RASGRP3: variants seen among roughly 807,000 people sequenced by gnomAD.
RASGRP3 encodes ras guanyl-releasing protein 3.
In RASGRP3, 54 loss-of-function variants were observed where a neutral mutation model predicts 82.7. That is an observed-to-expected ratio of 0.65 (90% CI 0.52 to 0.82). The LOEUF (loss-of-function observed/expected upper bound fraction) is 0.82. Among genes scored for constraint, RASGRP3 ranks in the 40% least tolerant of loss-of-function variants. The pLI, the probability that RASGRP3 is intolerant of heterozygous loss-of-function variation, is 0.00. For missense variants in RASGRP3, 861 were observed against 828.9 expected (o/e 1.04, Z -0.48); for synonymous variants, 309 against 300.5 (o/e 1.03, Z -0.29).
At chr2:33,475,236 T>C (rs2150922897), upstream of RASGRP3, among the ~76,000 whole-genome samples, 1 of 152,320 alleles carries the variant, frequency 6.6e-6, no homozygotes, top group East Asian at 1.9e-4. Flanking sequence ...GCTTACAAAA[T>C]TCTCCCATTT....
exon 1 of RASGRP3, chr2:33,436,499 T>C (rs924668180): frequency 1.6e-4 from 24 of 152,254 alleles, no homozygotes; most frequent in African/African-American, 5.5e-4. Flanking sequence ...TCTAGGTGTT[T>C]AGGCACGTTG....
chr2:33,535,896 G>A (rs965332526), intron 11 of RASGRP3, among the ~76,000 whole-genome samples: 2 of 152,204 alleles, frequency 1.3e-5, no homozygotes, highest in African/African-American at 4.8e-5. Context: ...CCTATTGTAT[G>A]TGTGCATACA....
chr2:33,543,715 A>T, intron 13 of RASGRP3, 88 bp downstream of exon 13: 1 of 911,628 alleles, frequency 1.1e-6, no homozygotes. Flanking sequence ...TGTAATTTGC[A>T]TCTTGACAGC....
intron 13 of RASGRP3, among the ~76,000 whole-genome samples, chr2:33,547,335 T>C (rs974644102): frequency 1.5e-5 from 2 of 136,822 alleles, no homozygotes; most frequent in African/African-American, 5.6e-5. Context: ...CTTGAGAATA[T>C]AGAATCCTTT....
chr2:33,535,188 T>C (rs1348075876), intron 11 of RASGRP3, among the ~76,000 whole-genome samples: 1 of 152,254 alleles, frequency 6.6e-6, no homozygotes, highest in Non-Finnish European at 1.5e-5. Context: ...CATTGGATGG[T>C]GTCTCACTTA....
chr2:33,543,941 A>G (rs1674502957), intron 13 of RASGRP3, among the ~76,000 whole-genome samples: 1 of 152,194 alleles, frequency 6.6e-6, no homozygotes, highest in Non-Finnish European at 1.5e-5. Context: ...AGAGTAGAGG[A>G]GAAATATTGT....
chr2:33,515,184 G>T lies in RASGRP3; in HGVS notation c.48G>T (p.Leu16=), dbSNP rs771149612. Residue 16 remains leucine (L), a synonymous_variant, in exon 3 of 18, where the codon CTG becomes CTT. Transcript: ENST00000403687. The part of the protein sequence containing the change: ...LGKAATLDEL[L]CTCIEMFDDN... ...AAGCAGCAACATTAGATGAACTGCT[G>T]TGCACTTGCATTGAGATGTTTGGTA... 1.2e-6 allele frequency: 2 copies of T among 1,613,870 alleles called. No individual in the cohort carries two copies. The highest frequency in any genetic ancestry group is 2.2e-5 in the South Asian group (2 of 91,086).
At chr2:33,470,729 A>G (rs1667009411) in intron 2 of RASGRP3, among the ~76,000 whole-genome samples, 1 of 151,990 alleles carries the variant, frequency 6.6e-6, no homozygotes, top group South Asian at 2.1e-4. Context: ...TATATGGAAA[A>G]TTTCATATAT....
chr2:33,484,610 C>G (rs1574307770), intron 1 of RASGRP3, among the ~76,000 whole-genome samples: 1 of 152,194 alleles, frequency 6.6e-6, no homozygotes, highest in East Asian at 1.9e-4. Flanking sequence ...ATCCATTTCT[C>G]TCCCCAGTCA....
At chr2:33,470,830 T>A (rs995142228) in intron 2 of RASGRP3, among the ~76,000 whole-genome samples, 1 of 152,192 alleles carries the variant, frequency 6.6e-6, no homozygotes, top group Non-Finnish European at 1.5e-5. Context: ...TTTTTAATTA[T>A]TTAGAAGCAA....
intron 1 of RASGRP3, among the ~76,000 whole-genome samples, chr2:33,443,626 A>G (rs553410347): frequency 6.6e-6 from 1 of 151,820 alleles, no homozygotes; most frequent in South Asian, 2.1e-4. Flanking sequence ...CATACCTGTA[A>G]TCCCAACAAT....
intron 2 of RASGRP3, among the ~76,000 whole-genome samples, chr2:33,462,332 A>G (rs924075569): frequency 1.3e-5 from 2 of 151,594 alleles, no homozygotes; most frequent in Non-Finnish European, 2.9e-5. Context: ...GAAGAAGCCT[A>G]GAGTTTGCAT....
At chr2:33,553,127 A>C (rs1675535571) in intron 14 of RASGRP3, among the ~76,000 whole-genome samples, 1 of 150,330 alleles carries the variant, frequency 6.7e-6, no homozygotes, top group Non-Finnish European at 1.5e-5. Context: ...CAATGCTAAT[A>C]ATGTAACATA....
chr2:33,440,731 C>T (rs1411475330), intron 1 of RASGRP3, among the ~76,000 whole-genome samples: 1 of 152,094 alleles, frequency 6.6e-6, no homozygotes, highest in Non-Finnish European at 1.5e-5. Flanking sequence ...CCTTGGTCAT[C>T]TGGTGAAATA....
chr2:33,528,679 G>A (rs1056862600), intron 10 of RASGRP3, among the ~76,000 whole-genome samples: 2 of 152,144 alleles, frequency 1.3e-5, no homozygotes, highest in Admixed American at 6.5e-5. Flanking sequence ...CTCACAAACT[G>A]TTCCTAGACC....
Position 33,562,962 on chromosome 2 carries a change from G to A in RASGRP3, c.*225G>A, listed in dbSNP as rs1676852405. On this transcript the variant is annotated 3_prime_UTR_variant, in exon 18 of 18. Coordinates refer to ENST00000403687, the MANE Select transcript of RASGRP3 (RefSeq NM_001139488.2). ...TTCCTCCTCCCCTACCCCTAGTTAA[G>A]TGCCACAAAGACTGTGTTATGTAGT... 1.7e-6 allele frequency: 1 copy of A among 601,992 alleles called. No individual in the cohort carries two copies. The highest frequency in any genetic ancestry group is 2.9e-6 in the Non-Finnish European group (1 of 344,940). The allele number at this position is 601,992 out of a possible 1,614,324, so 37.3% of individuals were successfully genotyped here.
rs1676945083 is a variant in RASGRP3 at position 33,563,723 on chromosome 2, C to A, written c.*986C>A. ...CAAACTTTTGGTTGTAAAAGAGAAC[C>A]CTTGTTCCCTTCCTAAGAAACTGCC... On this transcript the variant is annotated 3_prime_UTR_variant, in exon 18 of 18. Coordinates refer to ENST00000403687, the MANE Select transcript of RASGRP3 (RefSeq NM_001139488.2). The A allele has an allele frequency of 1.3e-5, 2 of 151,576 alleles. No homozygotes were observed. The highest frequency in any genetic ancestry group is 2.1e-4 in the South Asian group (1 of 4,802). 9.4% of individuals were successfully genotyped at this position (151,576 alleles called of 1,614,324 possible).
upstream of RASGRP3, among the ~76,000 whole-genome samples, chr2:33,472,481 C>T (rs2150918655): frequency 6.6e-6 from 1 of 152,170 alleles, no homozygotes; most frequent in South Asian, 2.1e-4. Flanking sequence ...CACCGCAGAC[C>T]TTCAGTAATA....
chr2:33,511,081 T>C (rs557176488), intron 1 of RASGRP3, among the ~76,000 whole-genome samples: 5 of 152,308 alleles, frequency 3.3e-5, no homozygotes, highest in African/African-American at 9.6e-5. Flanking sequence ...CCTTTAAAAA[T>C]AACACTTTTC....
Sources: gnomAD v4.1 joint callset for allele counts (sites outside exome capture counted in the v4.1 genomes callset) on GRCh38, gnomAD v4.1.1 for gene constraint, MANE v1.5 for transcripts, NCBI Gene and HGNC (gene_info 2026-07-23, HGNC 2026-07-21) for gene names.